The following SRGAP1 variants were observed in gnomAD, a reference collection of about 807,000 sequenced individuals.
The protein encoded by SRGAP1 is SLIT-ROBO Rho GTPase-activating protein 1.
SRGAP1 carries 43 observed loss-of-function variants against 121.9 expected under a neutral mutation model. That is an observed-to-expected ratio of 0.35 (90% CI 0.28 to 0.46). SRGAP1 has a LOEUF of 0.46. Ranked by LOEUF, SRGAP1 falls within the 20% of genes least tolerant of loss-of-function variation. The pLI, the probability that SRGAP1 is intolerant of heterozygous loss-of-function variation, is 1.00. For synonymous variants in SRGAP1, 447 were observed against 485.4 expected (o/e 0.92, Z 1.04); for missense variants, 1,102 against 1,350.9 (o/e 0.82, Z 2.89).
intron 8 of SRGAP1, among the ~76,000 whole-genome samples, chr12:64,073,187 C>T (rs2035673802): frequency 6.6e-6 from 1 of 152,132 alleles, no homozygotes; most frequent in Admixed American, 6.6e-5. Flanking sequence ...TATGCAGTCC[C>T]AGCATTGAGT....
At chr12:63,875,625 C>T (rs977375418) in intron 1 of SRGAP1, among the ~76,000 whole-genome samples, 2 of 152,100 alleles carry the variant, frequency 1.3e-5, no homozygotes, top group African/African-American at 4.8e-5. Context: ...CTTAGATATC[C>T]TTTTTGATTG....
intron 1 of SRGAP1, among the ~76,000 whole-genome samples, chr12:63,849,784 C>T (rs181963358): frequency 6.6e-6 from 1 of 152,160 alleles, no homozygotes; most frequent in East Asian, 1.9e-4. Context: ...TTACATGATG[C>T]AGGGAGGCTT....
chr12:63,877,506 T>C (rs1487229440), intron 1 of SRGAP1, among the ~76,000 whole-genome samples: 1 of 152,240 alleles, frequency 6.6e-6, no homozygotes, highest in Non-Finnish European at 1.5e-5. Flanking sequence ...CTGTCTTTTG[T>C]TAAAACCTCA....
At chr12:64,003,481 A>G (rs1399298076) in intron 3 of SRGAP1, among the ~76,000 whole-genome samples, 2 of 146,030 alleles carry the variant, frequency 1.4e-5, no homozygotes, top group Non-Finnish European at 1.5e-5. Context: ...AGTTTCAGAA[A>G]AAAAAAAAAA....
intron 1 of SRGAP1, among the ~76,000 whole-genome samples, chr12:63,973,414 T>C (rs1436894284): frequency 6.6e-6 from 1 of 152,202 alleles, no homozygotes; most frequent in African/African-American, 2.4e-5. Context: ...CTGGTATTTA[T>C]TAATTATCAT....
intron 1 of SRGAP1, among the ~76,000 whole-genome samples, chr12:63,920,806 G>A (rs999825813): frequency 6.6e-6 from 1 of 152,172 alleles, no homozygotes; most frequent in Non-Finnish European, 1.5e-5. Flanking sequence ...TAATATCCTG[G>A]TTTGGGAGTG....
At chr12:64,006,243 G>C (rs1328613748) in intron 3 of SRGAP1, among the ~76,000 whole-genome samples, 1 of 152,158 alleles carries the variant, frequency 6.6e-6, no homozygotes, top group Non-Finnish European at 1.5e-5. Context: ...CTGAATTTCT[G>C]ATCCAGCCTA....
intron 13 of SRGAP1, 33 bp from the exon 14 acceptor site, chr12:64,095,094 G>T: frequency 6.2e-7 from 1 of 1,610,200 alleles, no homozygotes; most frequent in Non-Finnish European, 8.5e-7. Context: ...ATGTGATGGG[G>T]GTTTTATCCT....
intron 3 of SRGAP1, among the ~76,000 whole-genome samples, chr12:63,996,634 T>A (rs2033717748): frequency 6.6e-6 from 1 of 152,152 alleles, no homozygotes; most frequent in South Asian, 2.1e-4. Flanking sequence ...CTAACACATA[T>A]AGTTTAGTAT....
intron 18 of SRGAP1, among the ~76,000 whole-genome samples, chr12:64,119,244 C>T (rs542895612): frequency 1.3e-5 from 2 of 152,176 alleles, no homozygotes; most frequent in Admixed American, 1.3e-4. Flanking sequence ...TTCTTTTCTA[C>T]TAGTCTACAT....
intron 1 of SRGAP1, among the ~76,000 whole-genome samples, chr12:63,880,134 T>C (rs1311547855): frequency 6.6e-6 from 1 of 152,192 alleles, no homozygotes; most frequent in African/African-American, 2.4e-5. Flanking sequence ...GCACACACTC[T>C]CTAGCCTGCT....
chr12:63,951,191 T>G (rs2032282681), intron 1 of SRGAP1, among the ~76,000 whole-genome samples: 1 of 114,842 alleles, frequency 8.7e-6, no homozygotes. Flanking sequence ...TGAGACAGAG[T>G]CTTGCTCTGT....
At chr12:63,930,328 TAAA>T (rs755253203) in intron 1 of SRGAP1, among the ~76,000 whole-genome samples, 12 of 60,052 alleles carry the variant, frequency 2.0e-4, no homozygotes, top group East Asian at 1.1e-3. Context: ...TCGTCTCTAC[TAAA>T]AAAAAAAAAA....
chr12:63,934,229 T>C lies in SRGAP1; in HGVS notation c.68-49718T>C, dbSNP rs370760597. Among the ~76,000 whole-genome samples, 4 of 152,286 alleles carry C rather than the reference T, an allele frequency of 2.6e-5. No homozygotes were observed. The South Asian group carries it at 8.3e-4, about 32-fold the overall frequency. On this transcript the variant is annotated intron_variant, in intron 1 of 21. Coordinates refer to ENST00000355086, the MANE Select transcript of SRGAP1 (RefSeq NM_020762.4). Reference sequence around the variant, plus strand: ...GTCAACTCTCAGAGAGCCCATCCATTGTGTTGCTTCAGCTGTCTATCTTTC... The same window carrying C: ...GTCAACTCTCAGAGAGCCCATCCATCGTGTTGCTTCAGCTGTCTATCTTTC...
chr12:63,874,406 T>C (rs1899961203), intron 1 of SRGAP1, among the ~76,000 whole-genome samples: 1 of 152,102 alleles, frequency 6.6e-6, no homozygotes, highest in South Asian at 2.1e-4. Flanking sequence ...GGTTTCACCA[T>C]GTTAGCCAGG....
At chr12:64,013,262 G>A (rs1407441548) in intron 3 of SRGAP1, among the ~76,000 whole-genome samples, 1 of 152,136 alleles carries the variant, frequency 6.6e-6, no homozygotes, top group East Asian at 1.9e-4. Context: ...GTAACATGAG[G>A]TGCTCCCTCC....
At chr12:64,104,878 C>T (rs1019955006) in intron 15 of SRGAP1, among the ~76,000 whole-genome samples, 5 of 151,430 alleles carry the variant, frequency 3.3e-5, no homozygotes, top group Middle Eastern at 3.2e-3. Flanking sequence ...CAGGCCCCCT[C>T]ATTCTTTTAT....
chr12:63,972,745 A>G (rs1022153896), intron 1 of SRGAP1, among the ~76,000 whole-genome samples: 1 of 152,254 alleles, frequency 6.6e-6, no homozygotes, highest in African/African-American at 2.4e-5. Flanking sequence ...ACCTAAATAC[A>G]TAGTTTCCTA....
chr12:64,012,574 T>TTTTTG (rs2034283040), intron 3 of SRGAP1, among the ~76,000 whole-genome samples: 8 of 145,128 alleles, frequency 5.5e-5, no homozygotes, highest in Non-Finnish European at 1.2e-4. Flanking sequence ...TTTTTTTTTT[T>TTTTTG]TTGAGAGTGG....
Sources: allele counts gnomAD v4.1 joint callset (sites outside exome capture counted in the v4.1 genomes callset), GRCh38; gene constraint gnomAD v4.1.1; transcripts MANE v1.5; gene names NCBI Gene and HGNC (gene_info 2026-07-23, HGNC 2026-07-21).